The following CEP63 variants were observed in gnomAD, a reference collection of about 807,000 sequenced individuals.
CEP63 encodes the protein centrosomal protein 63.
In CEP63, 84 loss-of-function variants were observed where a neutral mutation model predicts 89.1. The ratio of observed to expected loss-of-function variants is 0.94; its 90% confidence interval spans 0.79 to 1.13. The LOEUF (loss-of-function observed/expected upper bound fraction) is 1.13, where lower values mean the gene tolerates loss of function less well. CEP63 is among the 50% of genes most tolerant of loss of function. The probability of loss-of-function intolerance (pLI) is 0.00; values close to 1 mark genes in which losing one functional copy is unlikely to be tolerated. For synonymous variants in CEP63, 267 were observed against 272.5 expected (o/e 0.98, Z 0.20); for missense variants, 838 against 813.3 (o/e 1.03, Z -0.37).
At chr3:134,734,274 C>T in the CEP63 span, among the ~76,000 whole-genome samples, 1 of 151,854 alleles carries the variant, frequency 6.6e-6, no homozygotes, top group Non-Finnish European at 1.5e-5. Flanking sequence ...ACATTTGTAC[C>T]TCTTTATACT....
chr3:134,585,266 T>C (rs1264096273), intron 10 of CEP63, among the ~76,000 whole-genome samples: 1 of 152,136 alleles, frequency 6.6e-6, no homozygotes, highest in Non-Finnish European at 1.5e-5. Flanking sequence ...TCTAGTTCTT[T>C]TAATTGTGAT....
the CEP63 span, among the ~76,000 whole-genome samples, chr3:134,753,057 T>C: frequency 6.6e-6 from 1 of 152,090 alleles, no homozygotes; most frequent in Non-Finnish European, 1.5e-5. Context: ...CAGATGGGGA[T>C]CTGTGTTTTC....
chr3:134,560,008 AG>A (rs1446183495), intron 14 of CEP63, among the ~76,000 whole-genome samples: 2 of 152,182 alleles, frequency 1.3e-5, no homozygotes, highest in Non-Finnish European at 2.9e-5. Flanking sequence ...TCCTGTCACC[AG>A]CTGTGGCCAT....
chr3:134,721,105 G>A, the CEP63 span, among the ~76,000 whole-genome samples: 1 of 152,018 alleles, frequency 6.6e-6, no homozygotes, highest in South Asian at 2.1e-4. Flanking sequence ...TATTAGCATG[G>A]TATGTCTTTC....
At chr3:134,739,162 C>G in the CEP63 span, among the ~76,000 whole-genome samples, 1 of 152,250 alleles carries the variant, frequency 6.6e-6, no homozygotes, top group South Asian at 2.1e-4. Flanking sequence ...TAATTTAAAA[C>G]AGGTGTTCAC....
At chr3:134,745,584 G>A in the CEP63 span, among the ~76,000 whole-genome samples, 1 of 152,084 alleles carries the variant, frequency 6.6e-6, no homozygotes, top group Non-Finnish European at 1.5e-5. Flanking sequence ...TGCGCAACGT[G>A]CAGATTTGTT....
At chr3:134,494,302 G>C (rs1938934824) in intron 1 of CEP63, among the ~76,000 whole-genome samples, 1 of 151,084 alleles carries the variant, frequency 6.6e-6, no homozygotes, top group South Asian at 2.1e-4. Context: ...TTTTGGTAGA[G>C]GCGGAGTTTT....
downstream of CEP63, among the ~76,000 whole-genome samples, chr3:134,589,123 AT>A (rs1958547473): frequency 6.6e-6 from 1 of 152,238 alleles, no homozygotes; most frequent in Non-Finnish European, 1.5e-5. Context: ...GTTTCCAAAT[AT>A]TTAAGGAAGA....
At chr3:134,602,792 A>T in the CEP63 span, among the ~76,000 whole-genome samples, 2 of 151,998 alleles carry the variant, frequency 1.3e-5, no homozygotes, top group East Asian at 3.9e-4. Context: ...GAGGTCTTAC[A>T]CCCTCAGACC....
intron 2 of CEP63, among the ~76,000 whole-genome samples, chr3:134,500,117 T>G (rs1343757669): frequency 6.6e-6 from 1 of 152,102 alleles, no homozygotes; most frequent in Non-Finnish European, 1.5e-5. Context: ...TGAGCCACCA[T>G]GCCTGGCTTA....
the CEP63 span, among the ~76,000 whole-genome samples, chr3:134,661,967 G>A: frequency 5.3e-5 from 8 of 152,164 alleles, no homozygotes; most frequent in African/African-American, 1.2e-4. Flanking sequence ...TGATCCTTCC[G>A]CCATGTGAGA....
the CEP63 span, among the ~76,000 whole-genome samples, chr3:134,709,519 G>A: frequency 4.6e-5 from 7 of 152,156 alleles, no homozygotes; most frequent in Non-Finnish European, 1.5e-5. Flanking sequence ...GTCAGAGACA[G>A]TTATCAGGGA....
At chr3:134,597,322 T>C in the CEP63 span, among the ~76,000 whole-genome samples, 2 of 152,318 alleles carry the variant, frequency 1.3e-5, no homozygotes, top group East Asian at 3.9e-4. Context: ...ATATTTCTCC[T>C]ATGTAGAGGC....
chr3:134,665,812 C>A, the CEP63 span, among the ~76,000 whole-genome samples: 1 of 150,912 alleles, frequency 6.6e-6, no homozygotes, highest in Non-Finnish European at 1.5e-5. Context: ...GAAAGAACAG[C>A]AGAAAGGCAG....
chr3:134,549,322 A>G, intron 10 of CEP63, 146 bp downstream of exon 10: 1 of 635,610 alleles, frequency 1.6e-6, no homozygotes, highest in Non-Finnish European at 2.9e-6. Context: ...AGTTTGTGGA[A>G]TGTGCATAGG....
chr3:134,710,197 T>C, the CEP63 span, among the ~76,000 whole-genome samples: 1 of 152,184 alleles, frequency 6.6e-6, no homozygotes, highest in South Asian at 2.1e-4. Context: ...TCACCAGCTC[T>C]TAGACCCAGC....
At chr3:134,627,520 G>A in the CEP63 span, among the ~76,000 whole-genome samples, 1 of 152,118 alleles carries the variant, frequency 6.6e-6, no homozygotes, top group Non-Finnish European at 1.5e-5. Flanking sequence ...CTTGTTATTG[G>A]TGGGGTTTAT....
At chr3:134,513,255 G>GAT (rs770832678) in intron 3 of CEP63, among the ~76,000 whole-genome samples, 116 of 152,188 alleles carry the variant, frequency 7.6e-4, no homozygotes, top group Non-Finnish European at 1.5e-3. Context: ...TTTCTATTTT[G>GAT]ATAGAGCATA....
At chr3:134,779,251 G>C in the CEP63 span, among the ~76,000 whole-genome samples, 2 of 152,126 alleles carry the variant, frequency 1.3e-5, no homozygotes, top group Non-Finnish European at 2.9e-5. Flanking sequence ...AGTCCCTACT[G>C]CTCAGCTGAA....
Sources: gnomAD v4.1 joint callset for allele counts (sites outside exome capture counted in the v4.1 genomes callset) on GRCh38, gnomAD v4.1.1 for gene constraint, MANE v1.5 for transcripts, NCBI Gene and HGNC (gene_info 2026-07-23, HGNC 2026-07-21) for gene names.